The following SMOC2 variants were observed in gnomAD, a reference collection of about 807,000 sequenced individuals.
SMOC2 encodes the protein SPARC-related modular calcium-binding protein 2.
Under a neutral mutation model 61.4 loss-of-function variants are expected in SMOC2, and 39 were observed. The ratio of observed to expected loss-of-function variants is 0.64; its 90% CI spans 0.49 to 0.83. The LOEUF (loss-of-function observed/expected upper bound fraction) is 0.83, where lower values mean the gene tolerates loss of function less well. Ranked by LOEUF, SMOC2 falls within the 40% of genes least tolerant of loss-of-function variation. The probability of loss-of-function intolerance (pLI) is 0.00; values close to 1 mark genes in which losing one functional copy is unlikely to be tolerated. For missense variants in SMOC2, 556 were observed against 592.9 expected, an observed-to-expected ratio of 0.94 and a Z score of 0.65; for synonymous variants, 247 against 239.9, an observed-to-expected ratio of 1.03 and a Z score of -0.27.
At chr6:168,468,856 A>G (rs1343748409) in intron 1 of SMOC2, among the ~76,000 whole-genome samples, 2 of 152,184 alleles carry the variant, frequency 1.3e-5, no homozygotes, top group Non-Finnish European at 2.9e-5. Context: ...TTTATTTGTA[A>G]AGCTCATTTC....
intron 9 of SMOC2, among the ~76,000 whole-genome samples, chr6:168,615,127 A>C: frequency 3.8e-5 from 1 of 26,358 alleles, no homozygotes; most frequent in African/African-American, 1.4e-4. Flanking sequence ...GCCTCTTTAC[A>C]TCTACAGCCA....
At chr6:168,516,775 C>T (rs934932068) in intron 2 of SMOC2, among the ~76,000 whole-genome samples, 9 of 152,086 alleles carry the variant, frequency 5.9e-5, no homozygotes, top group African/African-American at 2.2e-4. Context: ...AGTGAAACCT[C>T]GTCTCTACTA....
chr6:168,512,779 C>G (rs1477404302), intron 2 of SMOC2, among the ~76,000 whole-genome samples: 1 of 152,160 alleles, frequency 6.6e-6, no homozygotes, highest in Admixed American at 6.5e-5. Context: ...AAACCACTTT[C>G]TATGGCCTGA....
chr6:168,547,312 G>A (rs554075973), intron 6 of SMOC2, 143 bp downstream of exon 6: 6 of 672,368 alleles, frequency 8.9e-6, no homozygotes, highest in African/African-American at 5.6e-5. Flanking sequence ...AAAAGACCAC[G>A]TGATCTTACT....
At chr6:168,489,157 A>C (rs1223523401) in intron 1 of SMOC2, among the ~76,000 whole-genome samples, 1 of 150,852 alleles carries the variant, frequency 6.6e-6, no homozygotes, top group Non-Finnish European at 1.5e-5. Context: ...GTAGAATGAA[A>C]TATATCAAAT....
intron 2 of SMOC2, among the ~76,000 whole-genome samples, chr6:168,524,592 G>A (rs565287918): frequency 5.3e-5 from 8 of 152,286 alleles, no homozygotes; most frequent in South Asian, 2.1e-4. Context: ...TGGAGACCTC[G>A]CAAGCTGGAA....
At chr6:168,583,555 C>A (rs1784972193) in intron 7 of SMOC2, among the ~76,000 whole-genome samples, 1 of 151,760 alleles carries the variant, frequency 6.6e-6, no homozygotes, top group Admixed American at 6.6e-5. Context: ...GTGGGTCTGA[C>A]CCCCTGTCTC....
chr6:168,523,153 A>G (rs1395378398), intron 2 of SMOC2, among the ~76,000 whole-genome samples: 21 of 119,886 alleles, frequency 1.8e-4, no homozygotes, highest in African/African-American at 5.9e-4. Context: ...CAGTGGCGCA[A>G]TCTCGGCTCA....
At chr6:168,615,431 G>A (rs139977398) in intron 9 of SMOC2, among the ~76,000 whole-genome samples, 9,000 of 45,886 alleles carry the variant, frequency 0.2, 22 homozygotes, top group Middle Eastern at 0.28. Flanking sequence ...AGCACAGGGG[G>A]CCTCTTCACA....
At chr6:168,572,921 C>A in intron 7 of SMOC2, among the ~76,000 whole-genome samples, 1 of 88,438 alleles carries the variant, frequency 1.1e-5, no homozygotes, top group African/African-American at 6.6e-5. Context: ...TTCACTTCCT[C>A]CCCGCATCCC....
At chr6:168,500,555 T>A (rs543061771) in intron 1 of SMOC2, among the ~76,000 whole-genome samples, 8 of 152,182 alleles carry the variant, frequency 5.3e-5, no homozygotes, top group African/African-American at 1.9e-4. Flanking sequence ...CAACACCTTC[T>A]CTCGGCCCTG....
intron 1 of SMOC2, among the ~76,000 whole-genome samples, chr6:168,467,205 G>T (rs2115009466): frequency 1.3e-5 from 2 of 149,528 alleles, no homozygotes; most frequent in Middle Eastern, 3.5e-3. Context: ...ACAGGGTCCT[G>T]CTCTGTTGCT....
chr6:168,624,482 CATGTA>C (rs1485225530), intron 9 of SMOC2, among the ~76,000 whole-genome samples: 12 of 152,296 alleles, frequency 7.9e-5, no homozygotes, highest in African/African-American at 2.9e-4. Context: ...GTTGTCCTCT[CATGTA>C]ATGGAGCACA....
At chr6:168,588,515 C>G (rs1036787911) in intron 7 of SMOC2, among the ~76,000 whole-genome samples, 1 of 152,146 alleles carries the variant, frequency 6.6e-6, no homozygotes, top group Admixed American at 6.5e-5. Context: ...GGCCCCACCC[C>G]CAAATGCCAT....
chr6:168,508,605 C>G (rs1316244961), intron 1 of SMOC2, among the ~76,000 whole-genome samples: 2 of 152,166 alleles, frequency 1.3e-5, no homozygotes, highest in East Asian at 1.9e-4. Context: ...ATGCAGCATC[C>G]TGAGTTGGTG....
intron 9 of SMOC2, among the ~76,000 whole-genome samples, chr6:168,627,361 C>T (rs1481709403): frequency 6.6e-6 from 1 of 152,188 alleles, no homozygotes; most frequent in East Asian, 1.9e-4. Context: ...AGATTTCTCT[C>T]TTGTTTTAAT....
At chr6:168,607,071 T>TC (rs1785713111) in intron 8 of SMOC2, among the ~76,000 whole-genome samples, 1 of 151,930 alleles carries the variant, frequency 6.6e-6, no homozygotes, top group South Asian at 2.1e-4. Context: ...CCCAGGAATC[T>TC]CCCATCTCCC....
chr6:168,518,439 CTGTGAA>C (rs137965014), intron 2 of SMOC2, among the ~76,000 whole-genome samples: 32 of 147,564 alleles, frequency 2.2e-4, no homozygotes, highest in South Asian at 4.3e-4. Context: ...GCATGTGTGA[CTGTGAA>C]TGTGTGAATG....
At chr6:168,517,302 T>TGGCTGTGA (rs1217856361) in intron 2 of SMOC2, among the ~76,000 whole-genome samples, 1 of 152,210 alleles carries the variant, frequency 6.6e-6, no homozygotes, top group East Asian at 1.9e-4. Flanking sequence ...CGCCGTGGCC[T>TGGCTGTGA]GGCTGTGAGG....
Sources: allele counts gnomAD v4.1 joint callset (sites outside exome capture counted in the v4.1 genomes callset), GRCh38; gene constraint gnomAD v4.1.1; transcripts MANE v1.5; gene names NCBI Gene and HGNC (gene_info 2026-07-23, HGNC 2026-07-21).